The following ZBBX variants were observed in gnomAD, a reference collection of about 807,000 sequenced individuals.
ZBBX encodes zinc finger B-box domain containing, also known as zinc finger B-box domain-containing protein 1.
ZBBX carries 101 observed loss-of-function variants against 108.5 expected under a neutral mutation model. The ratio of observed to expected loss-of-function variants is 0.93; its 90% CI spans 0.79 to 1.10. The LOEUF is 1.10. Ranked by LOEUF, ZBBX falls within the 50% of genes least tolerant of loss-of-function variation. The pLI, the probability that ZBBX is intolerant of heterozygous loss-of-function variation, is 0.00. For synonymous variants in ZBBX, 356 were observed against 323.4 expected (o/e 1.10, Z -1.08); for missense variants, 1,009 against 941.4 (o/e 1.07, Z -0.94).
At chr3:167,381,689 T>C (rs1036352577), upstream of ZBBX, among the ~76,000 whole-genome samples, 1 of 152,252 alleles carries the variant, frequency 6.6e-6, no homozygotes, top group Non-Finnish European at 1.5e-5. Flanking sequence ...GTCCATTTAC[T>C]GATCTATTCA....
chr3:167,214,365 A>G, the ZBBX span, among the ~76,000 whole-genome samples: 1 of 152,280 alleles, frequency 6.6e-6, no homozygotes, highest in African/African-American at 2.4e-5. Context: ...GACAAAACAG[A>G]CTTCAAACCA....
At chr3:167,364,993 C>T (rs935414521) in intron 6 of ZBBX, among the ~76,000 whole-genome samples, 1 of 151,534 alleles carries the variant, frequency 6.6e-6, no homozygotes, top group Non-Finnish European at 1.5e-5. Flanking sequence ...ATATGTTTTC[C>T]TACCCTTTTA....
At chr3:167,205,340 CTG>C in the ZBBX span, among the ~76,000 whole-genome samples, 4 of 151,902 alleles carry the variant, frequency 2.6e-5, no homozygotes, top group Non-Finnish European at 1.5e-5. Flanking sequence ...GGTGAAGTAA[CTG>C]AGGCCAGCAT....
intron 6 of ZBBX, among the ~76,000 whole-genome samples, chr3:167,362,073 CT>C (rs1306532017): frequency 6.6e-6 from 1 of 152,026 alleles, no homozygotes; most frequent in Admixed American, 6.6e-5. Context: ...TGATTTTTAT[CT>C]GTTAGGGAAA....
intron 9 of ZBBX, among the ~76,000 whole-genome samples, chr3:167,334,856 C>T (rs1739296622): frequency 6.6e-6 from 1 of 152,050 alleles, no homozygotes; most frequent in South Asian, 2.1e-4. Flanking sequence ...CTTCACTATC[C>T]AAAGGGGTAC....
intron 1 of ZBBX, among the ~76,000 whole-genome samples, chr3:167,387,072 C>T (rs973955068): frequency 1.3e-5 from 2 of 152,006 alleles, no homozygotes; most frequent in Non-Finnish European, 2.9e-5. Context: ...AGGTATCATT[C>T]TTATGCCCAT....
At chr3:167,221,169 T>C in the ZBBX span, among the ~76,000 whole-genome samples, 1 of 151,900 alleles carries the variant, frequency 6.6e-6, no homozygotes, top group African/African-American at 2.4e-5. Context: ...ATAATTCTTA[T>C]CAAAATACCA....
At chr3:167,389,229 T>C (rs1482064813) in intron 1 of ZBBX, among the ~76,000 whole-genome samples, 2 of 152,086 alleles carry the variant, frequency 1.3e-5, no homozygotes, top group Admixed American at 1.3e-4. Context: ...ACATGCAGTG[T>C]TTGGTTTTCT....
At chr3:167,355,942 C>G (rs558404992) in intron 8 of ZBBX, among the ~76,000 whole-genome samples, 2 of 152,164 alleles carry the variant, frequency 1.3e-5, no homozygotes, top group East Asian at 3.9e-4. Context: ...AGCCAAGGCA[C>G]CTGCTGCTTA....
At chr3:167,343,776 C>T (rs1279079110) in intron 9 of ZBBX, among the ~76,000 whole-genome samples, 1 of 151,872 alleles carries the variant, frequency 6.6e-6, no homozygotes, top group Admixed American at 6.6e-5. Context: ...GATTGGAATG[C>T]AATATACTGC....
chr3:167,314,871 G>T (rs115611480), intron 15 of ZBBX, among the ~76,000 whole-genome samples: 2 of 152,154 alleles, frequency 1.3e-5, no homozygotes, highest in Non-Finnish European at 2.9e-5. Flanking sequence ...AAAAGAATCC[G>T]ATTAGAGAAC....
intron 11 of ZBBX, among the ~76,000 whole-genome samples, chr3:167,323,611 G>A (rs1041253600): frequency 2.0e-4 from 31 of 152,072 alleles, no homozygotes; most frequent in African/African-American, 7.0e-4. Context: ...GCCAAATAAG[G>A]TATGTAACTT....
At chr3:167,350,716 T>TGAAGAAAGAAGAAAGAAGAAA (rs1388733422) in intron 8 of ZBBX, among the ~76,000 whole-genome samples, 1 of 151,664 alleles carries the variant, frequency 6.6e-6, no homozygotes, top group East Asian at 1.9e-4. Context: ...CTTAACTCTT[T>TGAAGAAAGAAGAAAGAAGAAA]GAAGAAAACT....
In ZBBX at chr3:167,350,268, A is replaced by G. The variant is rs1480544996; in HGVS notation, c.528+152T>C. The G allele has an allele frequency of 8.4e-6, 4 of 476,592 alleles. No individual in the cohort carries two copies. The East Asian group carries it at 1.3e-4, about 16-fold the overall frequency. The allele number at this position is 476,592 out of a possible 1,614,324, so 29.5% of individuals were successfully genotyped here. On this transcript the variant is annotated intron_variant, in intron 9 of 21. Coordinates refer to ENST00000675490, the MANE Select transcript of ZBBX (RefSeq NM_001199201.2). ...AGATTAGTATTCAATAAAATAATTT[A>G]AAAATATGCATCAGGATTGTCTGTA...
the ZBBX span, among the ~76,000 whole-genome samples, chr3:167,183,548 C>T: frequency 4.6e-5 from 7 of 152,146 alleles, no homozygotes; most frequent in African/African-American, 1.7e-4. Context: ...CTGAGAGCCA[C>T]AAACAGAGTT....
chr3:167,269,062 A>G, intron 20 of ZBBX, among the ~76,000 whole-genome samples: 1 of 152,212 alleles, frequency 6.6e-6, no homozygotes, highest in East Asian at 1.9e-4. Flanking sequence ...GAATGTCCCA[A>G]ATTACAAAGG....
chr3:167,377,013 C>G (rs1304681133), intron 2 of ZBBX, among the ~76,000 whole-genome samples: 1 of 152,118 alleles, frequency 6.6e-6, no homozygotes, highest in African/African-American at 2.4e-5. Context: ...TTCCTTGTGT[C>G]TTTTGGTCAT....
chr3:167,405,868 A>C (rs1748566768), intron 1 of ZBBX, among the ~76,000 whole-genome samples: 2 of 152,128 alleles, frequency 1.3e-5, no homozygotes, highest in South Asian at 4.1e-4. Flanking sequence ...TCAGGAGTTC[A>C]AGGCCAGCCT....
chr3:167,348,175 G>C (rs1350452640), intron 9 of ZBBX, among the ~76,000 whole-genome samples: 2 of 126,536 alleles, frequency 1.6e-5, no homozygotes, highest in Non-Finnish European at 3.2e-5. Context: ...GAGAGAAAGA[G>C]AGAAAAAGAA....
Sources: gnomAD v4.1 joint callset for allele counts (sites outside exome capture counted in the v4.1 genomes callset) on GRCh38, gnomAD v4.1.1 for gene constraint, MANE v1.5 for transcripts, NCBI Gene and HGNC (gene_info 2026-07-23, HGNC 2026-07-21) for gene names.